DOP1A: variants seen among roughly 807,000 people sequenced by gnomAD.
DOP1A encodes DOP1 leucine zipper like protein A, also known as protein DOP1A.
In DOP1A, 90 loss-of-function variants were observed where a neutral mutation model predicts 267.6. The ratio of observed to expected loss-of-function variants is 0.34; its 90% CI spans 0.28 to 0.40. DOP1A has a LOEUF of 0.40. Among genes scored for constraint, DOP1A ranks in the 10% least tolerant of loss-of-function variants. DOP1A has a pLI of 1.00. For missense variants in DOP1A, 2,437 were observed against 2,900.4 expected, an observed-to-expected ratio of 0.84 and a Z score of 3.67; for synonymous variants, 932 against 999.1, an observed-to-expected ratio of 0.93 and a Z score of 1.27.
At chr6:83,122,077 C>T in intron 11 of DOP1A, 27 bp downstream of exon 11, 2 of 1,606,168 alleles carry the variant, frequency 1.2e-6, no homozygotes, top group Non-Finnish European at 1.7e-6. Context: ...TTAAATGTGA[C>T]ATGAAGACAT....
At chr6:83,123,257 T>TTTG (rs10639510) in intron 12 of DOP1A, among the ~76,000 whole-genome samples, 151,926 of 151,946 alleles carry the variant, frequency 1, 75,953 homozygotes, top group Middle Eastern at 1. Flanking sequence ...ATCCAGTTTT[T>TTTG]TTGTTGTAGA....
chr6:83,092,075 G>T lies in DOP1A; in HGVS notation c.-146-4656G>T, dbSNP rs527728824. Among the ~76,000 whole-genome samples the T allele has an allele frequency of 9.9e-5, 15 of 152,206 alleles. No individual in the cohort carries two copies. In the South Asian group the frequency reaches 3.1e-3, roughly 32 times the overall value. On this transcript the variant is annotated intron_variant, in intron 1 of 38. Coordinates refer to ENST00000349129, the MANE Select transcript of DOP1A (RefSeq NM_015018.4). Reference sequence around the variant, plus strand: ...TATTTAACTGTTTTATTAGCTATCAGAGTTTATGGCCTTACTTGTTTTAGT... The same window carrying T: ...TATTTAACTGTTTTATTAGCTATCATAGTTTATGGCCTTACTTGTTTTAGT...
intron 1 of DOP1A, among the ~76,000 whole-genome samples, chr6:83,080,155 C>G (rs2128021973): frequency 6.6e-6 from 1 of 152,152 alleles, no homozygotes; most frequent in South Asian, 2.1e-4. Context: ...TTCCCCCTAC[C>G]CAATCAATGT....
At chr6:83,168,854 G>A (rs994498107), downstream of DOP1A, 3 of 1,038,282 alleles carry the variant, frequency 2.9e-6, no homozygotes, top group Middle Eastern at 4.8e-4. Flanking sequence ...AATGGGGAAT[G>A]CTGCAAAACA....
chr6:83,128,007 T>C lies in DOP1A; in HGVS notation c.1720-880T>C, dbSNP rs185173637. Among the ~76,000 whole-genome samples, 13 of 152,192 alleles carry C rather than the reference T, an allele frequency of 8.5e-5. No homozygotes were observed. The East Asian group carries it at 2.3e-3, about 27-fold the overall frequency. ...TGCACCCTTAACCCCTCTACTGATA[T>C]GAAAGTGGGGAAGGGGAGGAGGGGT... On this transcript the variant is annotated intron_variant, in intron 15 of 38. Coordinates refer to ENST00000349129, the MANE Select transcript of DOP1A (RefSeq NM_015018.4).
intron 1 of DOP1A, among the ~76,000 whole-genome samples, chr6:83,084,592 G>GT (rs1470986497): frequency 1.3e-4 from 19 of 151,392 alleles, no homozygotes; most frequent in Admixed American, 4.6e-4. Flanking sequence ...GTTTTGTTTT[G>GT]TTTTTTTTGA....
rs1367688841 is a variant in DOP1A, at chr6:83,138,762, A to C, written c.4720A>C (p.Asn1574His). ...TAATTTCTCAGAGGATGAATTTGAC[A>C]ATGGCAGCACGTTGCAGTCACAACT... The part of the protein sequence containing the change: ...LINFSEDEFD[N>H]GSTLQSQLLK... Residue 1574 changes from asparagine to histidine, a missense_variant, in exon 21 of 39, where the codon AAT becomes CAT. Physicochemically the swap from Asn to His is moderately conservative, Grantham distance 68. This residue lies in a region of DOP1A where 878 missense variants were observed against 992.9 expected (regional missense o/e 0.88). Coordinates refer to ENST00000349129, the MANE Select transcript of DOP1A (RefSeq NM_015018.4). 1.2e-6 allele frequency: 2 copies of C among 1,613,978 alleles called. No individual in the cohort carries two copies. Among genetic ancestry groups the C allele is most frequent in the African/African-American group, 2.7e-5 (2 of 74,922 alleles).
At chr6:83,123,742 AC>A (rs1319478714) in intron 12 of DOP1A, among the ~76,000 whole-genome samples, 1 of 152,094 alleles carries the variant, frequency 6.6e-6, no homozygotes, top group African/African-American at 2.4e-5. Context: ...TATAGTGGGA[AC>A]AAATAAGACA....
intron 35 of DOP1A, among the ~76,000 whole-genome samples, chr6:83,157,724 C>T (rs114250109): frequency 1.9e-3 from 291 of 152,276 alleles, no homozygotes; most frequent in African/African-American, 6.8e-3. Flanking sequence ...CATATACTCA[C>T]TCTTGAAGTG....
intron 1 of DOP1A, among the ~76,000 whole-genome samples, chr6:83,087,019 T>G (rs2128070915): frequency 6.6e-6 from 1 of 152,174 alleles, no homozygotes; most frequent in African/African-American, 2.4e-5. Flanking sequence ...GAGCTAATAG[T>G]CCTTGGGAAG....
chr6:83,162,750 G>A (rs2128427233), intron 37 of DOP1A, 40 bp from the exon 38 acceptor site: 1 of 1,566,388 alleles, frequency 6.4e-7, no homozygotes, highest in South Asian at 1.2e-5. Flanking sequence ...ATGGCACAAA[G>A]TCTGTCTTAC....
chr6:83,118,798 T>A, intron 7 of DOP1A, 90 bp from the exon 8 acceptor site: 1 of 1,038,030 alleles, frequency 9.6e-7, no homozygotes. Flanking sequence ...ACCCTAATAT[T>A]CTAAGCATAT....
chr6:83,160,071 T>C lies in DOP1A; in HGVS notation c.6962+111T>C, dbSNP rs1251566715. On this transcript the variant is annotated intron_variant, in intron 37 of 38. Coordinates refer to ENST00000349129, the MANE Select transcript of DOP1A (RefSeq NM_015018.4). ...TTTGTGTAAGTTGAAATATTCCTAA[T>C]TTTTACTAAAATGTAATTCTTTTGG... 5 of 1,017,902 alleles carry C rather than the reference T, an allele frequency of 4.9e-6. No individual in the cohort carries two copies. In the East Asian group the frequency reaches 1.2e-4, roughly 25 times the overall value. 63.1% of individuals were successfully genotyped at this position (1,017,902 alleles called of 1,614,324 possible). A position where few individuals can be genotyped will look rare whatever the true frequency, so the allele number is the denominator to read the frequency against.
At chr6:83,115,161 C>G (rs1396440881) in intron 7 of DOP1A, among the ~76,000 whole-genome samples, 4 of 152,184 alleles carry the variant, frequency 2.6e-5, no homozygotes, top group Non-Finnish European at 1.5e-5. Context: ...TCACCCAAAT[C>G]TGTAGTACTT....
In DOP1A at chr6:83,124,611, A is replaced by G. The variant is rs535750030; in HGVS notation, c.1341-94A>G. The G allele has an allele frequency of 2.0e-5, 18 of 915,374 alleles. No individual in the cohort carries two copies. The South Asian group carries it at 2.2e-4, about 11-fold the overall frequency. 56.7% of individuals were successfully genotyped at this position (915,374 alleles called of 1,614,324 possible). On this transcript the variant is annotated intron_variant, in intron 12 of 38. Coordinates refer to ENST00000349129, the MANE Select transcript of DOP1A (RefSeq NM_015018.4). ...AAAACATTACTGTGTGTGACCCAAT[A>G]TTGACTTGGACTTCATTAGAAGGAT...
chr6:83,170,516 C>T, downstream of DOP1A: 1 of 1,542,014 alleles, frequency 6.5e-7, no homozygotes, highest in South Asian at 1.1e-5. Context: ...CTCTATTACA[C>T]TTCCTTTCAG....
chr6:83,108,778 T>C, intron 4 of DOP1A, 132 bp from the exon 5 acceptor site: 2 of 814,272 alleles, frequency 2.5e-6, no homozygotes, highest in East Asian at 5.5e-5. Context: ...GTCATTCATA[T>C]ACAGGTATCA....
rs1224965552 is a variant in DOP1A, at chr6:83,132,047, C to T, written c.2617-129C>T. 2.8e-6 allele frequency: 3 copies of T among 1,065,646 alleles called. No individual in the cohort carries two copies. In the African/African-American group the frequency reaches 4.8e-5, roughly 17 times the overall value. The allele number at this position is 1,065,646 out of a possible 1,614,324, so 66.0% of individuals were successfully genotyped here. A position where few individuals can be genotyped will look rare whatever the true frequency, so the allele number is the denominator to read the frequency against. On this transcript the variant is annotated intron_variant, in intron 17 of 38. Transcript: ENST00000349129. The stretch of plus-strand genomic sequence containing the variant: ...GAAGACTGCCTTAGTAACCTCATCC[C>T]CATGCAGTAGAATATTAAAAGCCTT...
rs750504412 is a variant in DOP1A, at chr6:83,132,349, C to G, written c.2769+21C>G. ...ATAAGGTAAATCCTCTTATCTTGTG[C>G]ACACCGCCCCCTCCGCCACACACAC... is the stretch of plus-strand genomic sequence containing the variant. On this transcript the variant is annotated intron_variant, in intron 18 of 38. Coordinates refer to ENST00000349129, the MANE Select transcript of DOP1A (RefSeq NM_015018.4). The G allele has an allele frequency of 6.3e-6, 10 of 1,580,940 alleles. No individual in the cohort carries two copies. The South Asian group carries it at 9.0e-5, about 14-fold the overall frequency.
Sources: allele counts gnomAD v4.1 joint callset (sites outside exome capture counted in the v4.1 genomes callset), GRCh38; gene constraint gnomAD v4.1.1; regional missense constraint gnomAD v4.1.1; transcripts MANE v1.5; gene names NCBI Gene and HGNC (gene_info 2026-07-23, HGNC 2026-07-21).